Variants in NDUFAF7 observed in about 807,000 individuals in gnomAD.
NDUFAF7 encodes the protein protein arginine methyltransferase NDUFAF7, mitochondrial.
Under a neutral mutation model 47.2 loss-of-function variants are expected in NDUFAF7, and 48 were observed. That is an observed-to-expected ratio of 1.02 (90% confidence interval 0.81 to 1.29). The LOEUF (loss-of-function observed/expected upper bound fraction) is 1.29, where lower values mean the gene tolerates loss of function less well. Ranked by LOEUF, NDUFAF7 falls within the 50% of genes most tolerant of loss-of-function variation. NDUFAF7 has a pLI of 0.00. For missense variants in NDUFAF7, 635 were observed against 537.6 expected, an observed-to-expected ratio of 1.18 and a Z score of -1.79; for synonymous variants, 217 against 190.0, an observed-to-expected ratio of 1.14 and a Z score of -1.17.
At chr2:37,250,259 G>C (rs891096455), downstream of NDUFAF7, among the ~76,000 whole-genome samples, 1 of 152,018 alleles carries the variant, frequency 6.6e-6, no homozygotes, top group Non-Finnish European at 1.5e-5. Flanking sequence ...CAAAGACTTG[G>C]TTGGGAGAAT....
In NDUFAF7 at chr2:37,248,196, T is replaced by G. The variant is rs369731209; in HGVS notation, c.1172T>G (p.Met391Arg). ...VRQQLLQGYD[M>R]LMNPKKMGER... is the part of the protein sequence containing the mutation. ...CAGCAGTTACTTCAAGGATATGATA[T>G]GTTAATGAATCCAAAGAAGATGGGA... Residue 391 changes from methionine to arginine, a missense_variant, in exon 10 of 10, where the codon ATG (methionine) becomes AGG (arginine). Coordinates refer to ENST00000002125, the MANE Select transcript of NDUFAF7 (RefSeq NM_144736.5). The G allele has an allele frequency of 6.2e-7, 1 of 1,613,964 alleles. No individual in the cohort carries two copies. The highest frequency in any genetic ancestry group is 8.5e-7 in the Non-Finnish European group (1 of 1,179,954).
At chr2:37,268,397 A>G in the NDUFAF7 span, 34 of 469,310 alleles carry the variant, frequency 7.2e-5, no homozygotes, top group Non-Finnish European at 1.4e-4. Context: ...CATAGATATT[A>G]TATATGCATG....
chr2:37,253,243 A>G (rs1184562181), downstream of NDUFAF7: 42 of 1,612,502 alleles, frequency 2.6e-5, no homozygotes, highest in Non-Finnish European at 3.6e-5. Flanking sequence ...ATACAAGGTT[A>G]TGTGTGTATG....
the NDUFAF7 span, chr2:37,269,791 A>G: frequency 1.2e-6 from 1 of 826,474 alleles, no homozygotes; most frequent in East Asian, 2.7e-5. Context: ...TTATGTTAGA[A>G]GCAGCTAATT....
chr2:37,247,858 C>T lies in NDUFAF7; in HGVS notation c.1110+229C>T, dbSNP rs766183756. Among the ~76,000 whole-genome samples, 81 of 152,078 alleles carry T rather than the reference C, an allele frequency of 5.3e-4. 1 individual carries two copies. Among genetic ancestry groups the T allele is most frequent in the Non-Finnish European group, 1.6e-4 (11 of 68,010 alleles). ...GTGTTTTTGTTTGTTAAGAAAACTG[C>T]GTTTATGGGTATGAATTTTCTAACT... On this transcript the variant is annotated intron_variant, in intron 9 of 9. Transcript: ENST00000002125.
chr2:37,271,264 T>C, the NDUFAF7 span, among the ~76,000 whole-genome samples: 1 of 152,116 alleles, frequency 6.6e-6, no homozygotes. Flanking sequence ...AAACTCCAGC[T>C]TGTGGGCAAA....
downstream of NDUFAF7, chr2:37,253,408 G>A (rs1350091092): frequency 2.5e-5 from 37 of 1,458,896 alleles, no homozygotes; most frequent in East Asian, 4.7e-5. Context: ...TGTCAACCTG[G>A]TTTTTGTTTT....
the NDUFAF7 span, chr2:37,260,249 G>C: frequency 6.2e-7 from 1 of 1,610,082 alleles, no homozygotes; most frequent in Non-Finnish European, 8.5e-7. Context: ...TTAGTAATTC[G>C]TTCTGGAAGC....
chr2:37,237,400 A>G (rs1444434993), intron 3 of NDUFAF7, among the ~76,000 whole-genome samples: 2 of 152,286 alleles, frequency 1.3e-5, no homozygotes, highest in East Asian at 1.9e-4. Flanking sequence ...TATAAGAATC[A>G]TGTAATTGTT....
At chr2:37,258,623 T>C in the NDUFAF7 span, among the ~76,000 whole-genome samples, 1 of 152,210 alleles carries the variant, frequency 6.6e-6, no homozygotes, top group East Asian at 1.9e-4. Flanking sequence ...AATGAGATAA[T>C]ATATGGAAGC....
the NDUFAF7 span, chr2:37,260,523 A>G: frequency 1.2e-6 from 1 of 801,212 alleles, no homozygotes; most frequent in Non-Finnish European, 2.0e-6. Context: ...TAAAAATTAC[A>G]ATCAATGAAA....
At chr2:37,260,253 T>C in the NDUFAF7 span, 1 of 1,612,410 alleles carries the variant, frequency 6.2e-7, no homozygotes, top group Non-Finnish European at 8.5e-7. Context: ...TAATTCGTTC[T>C]GGAAGCCGAC....
chr2:37,256,705 T>A, downstream of NDUFAF7: 1 of 1,598,388 alleles, frequency 6.3e-7, no homozygotes, highest in Non-Finnish European at 8.5e-7. Flanking sequence ...GGTACATAAA[T>A]GCAGCATTTT....
chr2:37,265,002 A>C, the NDUFAF7 span, among the ~76,000 whole-genome samples: 5 of 144,058 alleles, frequency 3.5e-5, no homozygotes. Context: ...CTGTAGTCTT[A>C]ATAATAATAT....
the NDUFAF7 span, among the ~76,000 whole-genome samples, chr2:37,270,366 A>AC: frequency 4.6e-3 from 692 of 151,758 alleles, 9 homozygotes; most frequent in African/African-American, 0.015. Context: ...AAAAAAAAAA[A>AC]AACTCAAAAG....
chr2:37,270,942 T>C, the NDUFAF7 span, among the ~76,000 whole-genome samples: 1 of 152,236 alleles, frequency 6.6e-6, no homozygotes, highest in Non-Finnish European at 1.5e-5. Flanking sequence ...CATGGGATTA[T>C]TCAAAATTTG....
In NDUFAF7 at chr2:37,247,587, A is replaced by C. The variant is rs1667063875; in HGVS notation, c.1068A>C (p.Gln356His). 6.2e-7 allele frequency: 1 copy of C among 1,614,096 alleles called. No homozygotes were observed. The highest frequency in any genetic ancestry group is 1.3e-5 in the African/African-American group (1 of 75,038). The change falls in exon 9 of 10, where the codon CAA becomes CAC. Residue 356 changes from glutamine (Q) to histidine (H), a missense_variant. Coordinates refer to ENST00000002125, the MANE Select transcript of NDUFAF7 (RefSeq NM_144736.5). ...GKVASLGPIK[Q>H]HTFLKNMGID... ...TAGCCTCTCTGGGCCCAATAAAACA[A>C]CACACATTTTTAAAAAATATGGGTA... is the stretch of plus-strand genomic sequence containing the variant.
chr2:37,242,671 T>A lies in NDUFAF7; in HGVS notation c.659T>A (p.Val220Asp), dbSNP rs1166826018. Reference protein sequence around the residue: ...SFYLAHEFFDVLPVHKFQKTP... With the variant: ...SFYLAHEFFDDLPVHKFQKTP... ...TATCTTGCACATGAATTTTTTGATGTTCTTCCTGTGCATAAATTTCAGGTA... is the reference window on the plus strand; with the variant it reads ...TATCTTGCACATGAATTTTTTGATGATCTTCCTGTGCATAAATTTCAGGTA... The change falls in exon 6 of 10, where the codon GTT becomes GAT. Residue 220 changes from valine (V) to aspartate (D), a missense_variant. Val to Asp is a radical substitution (Grantham distance 152). Coordinates refer to ENST00000002125, the MANE Select transcript of NDUFAF7 (RefSeq NM_144736.5). The A allele has an allele frequency of 6.2e-7, 1 of 1,603,392 alleles. No individual in the cohort carries two copies.
At chr2:37,237,249 C>A (rs1301962865) in intron 3 of NDUFAF7, among the ~76,000 whole-genome samples, 3 of 152,188 alleles carry the variant, frequency 2.0e-5, no homozygotes, top group Non-Finnish European at 4.4e-5. Flanking sequence ...GGATTATAGG[C>A]GTGAGCCACC....
Sources: allele counts gnomAD v4.1 joint callset (sites outside exome capture counted in the v4.1 genomes callset), GRCh38; gene constraint gnomAD v4.1.1; transcripts MANE v1.5; gene names NCBI Gene and HGNC (gene_info 2026-07-23, HGNC 2026-07-21).